Variants in MRPS25 observed in about 807,000 individuals in gnomAD.
MRPS25 encodes the protein small ribosomal subunit protein mS25.
In MRPS25, 15 loss-of-function variants were observed where a neutral mutation model predicts 17.3. That is an observed-to-expected ratio of 0.87 (90% confidence interval 0.58 to 1.34). MRPS25 has a LOEUF of 1.34. Among genes scored for constraint, MRPS25 ranks in the 40% most tolerant of loss-of-function variants. MRPS25 has a pLI of 0.00. For synonymous variants in MRPS25, 94 were observed against 83.3 expected (o/e 1.13, Z -0.70); for missense variants, 225 against 218.6 (o/e 1.03, Z -0.19).
In MRPS25 at chr3:15,057,624, T is replaced by C. The variant is rs148183721; in HGVS notation, c.241+1745A>G. 4.4e-3 allele frequency among the ~76,000 whole-genome samples: 673 copies of C among 152,288 alleles called. 1 individual carries two copies. The highest frequency in any genetic ancestry group is 0.015 in the African/African-American group (643 of 41,544). Reference sequence around the variant, plus strand: ...CGGGTTGCCTCTGGTGGAAGGGAAATTAACCAGAAAGTGGCACTAAGGAAC... The same window carrying C: ...CGGGTTGCCTCTGGTGGAAGGGAAACTAACCAGAAAGTGGCACTAAGGAAC... On this transcript the variant is annotated intron_variant, in intron 2 of 3. Transcript: ENST00000253686.
rs1449118106 is a variant in MRPS25, at chr3:15,049,114, G to A, written c.*3327C>T. The A allele has an allele frequency of 1.3e-5, 2 of 152,598 alleles. No homozygotes were observed. Among genetic ancestry groups the A allele is most frequent in the African/African-American group, 2.4e-5 (1 of 41,442 alleles). The allele number at this position is 152,598 out of a possible 1,614,324, so 9.5% of individuals were successfully genotyped here. ...ATATCTAATCAATGTCTTCAGTCTT[G>A]AAGAAGAATTTGCATTGTTGTGTTT... On this transcript the variant is annotated 3_prime_UTR_variant, in exon 4 of 4. Coordinates refer to ENST00000253686, the MANE Select transcript of MRPS25 (RefSeq NM_022497.5).
chr3:15,044,194 A>C (rs1429045638), downstream of MRPS25: 1 of 152,150 alleles, frequency 6.6e-6, no homozygotes, highest in Non-Finnish European at 1.5e-5. Context: ...AGCTGGATGG[A>C]AGGTTTCAGG....
chr3:15,052,847 G>A (rs1262066187), intron 3 of MRPS25, among the ~76,000 whole-genome samples: 1 of 152,210 alleles, frequency 6.6e-6, no homozygotes, highest in Non-Finnish European at 1.5e-5. Flanking sequence ...TCACACCACA[G>A]CAGCAAGCCT....
Position 15,051,894 on chromosome 3 carries a change from A to C in MRPS25, c.*547T>G, listed in dbSNP as rs1440348940. The stretch of plus-strand genomic sequence containing the variant: ...CCCATGGCTAGGCCCCCCAGCAGGC[A>C]AGGGTAATCAACTGTACTTAAAAAA... On this transcript the variant is annotated 3_prime_UTR_variant, in exon 4 of 4. Coordinates refer to ENST00000253686, the MANE Select transcript of MRPS25 (RefSeq NM_022497.5). The C allele has an allele frequency of 1.0e-6, 1 of 985,466 alleles. No individual in the cohort carries two copies. The highest frequency in any genetic ancestry group is 1.2e-6 in the Non-Finnish European group (1 of 830,034). The allele number at this position is 985,466 out of a possible 1,614,324, so 61.0% of individuals were successfully genotyped here.
chr3:15,058,538 A>G lies in MRPS25; in HGVS notation c.241+831T>C, dbSNP rs539366838. On this transcript the variant is annotated intron_variant, in intron 2 of 3. Coordinates refer to ENST00000253686, the MANE Select transcript of MRPS25 (RefSeq NM_022497.5). ...TTCATTCTGTCTCCCTCTGCTGGAT[A>G]TAATCTCCACGAGGGCAGCAGAAAT... is the stretch of plus-strand genomic sequence containing the variant. Among the ~76,000 whole-genome samples, 55 of 152,290 alleles carry G rather than the reference A, an allele frequency of 3.6e-4. 1 individual carries two copies. The South Asian group carries it at 0.011, about 31-fold the overall frequency.
chr3:15,052,201 G>A lies in MRPS25; in HGVS notation c.*240C>T, dbSNP rs777619513. The A allele has an allele frequency of 7.9e-5, 98 of 1,242,932 alleles. No individual in the cohort carries two copies. The highest frequency in any genetic ancestry group is 3.1e-4 in the Middle Eastern group (1 of 3,180). 77.0% of individuals were successfully genotyped at this position (1,242,932 alleles called of 1,614,324 possible). A position where few individuals can be genotyped will look rare whatever the true frequency, so the allele number is the denominator to read the frequency against. On this transcript the variant is annotated 3_prime_UTR_variant, in exon 4 of 4. Coordinates refer to ENST00000253686, the MANE Select transcript of MRPS25 (RefSeq NM_022497.5). ...TCCTCTTCACTAGGACCAGATACACGCCAAGCTGCTATTAGGAAGCGTTTT... is the reference window on the plus strand; with the variant it reads ...TCCTCTTCACTAGGACCAGATACACACCAAGCTGCTATTAGGAAGCGTTTT...
chr3:15,053,703 T>C (rs1213899746), intron 2 of MRPS25: 2 of 541,108 alleles, frequency 3.7e-6, no homozygotes, highest in African/African-American at 3.8e-5. Context: ...AGACATTCCA[T>C]GTTCATGGAT....
rs1424635156 is a variant in MRPS25 at position 15,065,085 on chromosome 3, T to A, written c.110A>T (p.His37Leu). The A allele has an allele frequency of 1.4e-5, 22 of 1,603,932 alleles. No individual in the cohort carries two copies. The highest frequency in any genetic ancestry group is 1.9e-5 in the Non-Finnish European group (22 of 1,176,028). ...VKVMTVNYNT[H>L]GELGEGARKF... Reference sequence around the variant, plus strand: ...CCTGGCGCCCTCGCCCAGCTCCCCATGCGTGTTGTAATTCACTGTCATGAC... The same window carrying A: ...CCTGGCGCCCTCGCCCAGCTCCCCAAGCGTGTTGTAATTCACTGTCATGAC... Residue 37 changes from histidine (H) to leucine (L), a missense_variant, in exon 1 of 4, where the codon CAT (histidine) becomes CTT (leucine). His to Leu is a moderately conservative substitution (Grantham distance 99). Coordinates refer to ENST00000253686, the MANE Select transcript of MRPS25 (RefSeq NM_022497.5).
chr3:15,046,925 G>GTCTT (rs2042474124), downstream of MRPS25: 1 of 152,614 alleles, frequency 6.6e-6, no homozygotes, highest in South Asian at 2.1e-4. Context: ...GTTGGTTTGG[G>GTCTT]TCTTTTGTAC....
Position 15,050,455 on chromosome 3 carries a change from AGGC to A in MRPS25, c.*1983_*1985del. 2.0e-6 allele frequency: 2 copies of A among 983,536 alleles called. No individual in the cohort carries two copies. Among genetic ancestry groups the A allele is most frequent in the Non-Finnish European group, 2.4e-6 (2 of 829,768 alleles). The allele number at this position is 983,536 out of a possible 1,614,324, so 60.9% of individuals were successfully genotyped here. ...CCTAGAGGGAAGGAATACTCTCATAAGGCTTTGTGTGTCACTAGCTATGGAGAC... is the reference window on the plus strand; with the variant it reads ...CCTAGAGGGAAGGAATACTCTCATAATTTGTGTGTCACTAGCTATGGAGAC... On this transcript the variant is annotated 3_prime_UTR_variant, in exon 4 of 4. Coordinates refer to ENST00000253686, the MANE Select transcript of MRPS25 (RefSeq NM_022497.5).
chr3:15,051,370 GAC>G lies in MRPS25; in HGVS notation c.*1069_*1070del, dbSNP rs1241721093. 6.9e-6 allele frequency: 4 copies of G among 577,294 alleles called. No individual in the cohort carries two copies. The highest frequency in any genetic ancestry group is 8.7e-6 in the Non-Finnish European group (4 of 457,342). The allele number at this position is 577,294 out of a possible 1,614,324, so 35.8% of individuals were successfully genotyped here. A position where few individuals can be genotyped will look rare whatever the true frequency, so the allele number is the denominator to read the frequency against. On this transcript the variant is annotated 3_prime_UTR_variant, in exon 4 of 4. Transcript: ENST00000253686. Reference sequence around the variant, plus strand: ...ATCTAATTTTTGTACTTTTTGTAGAGACAAGGTCTTGCCATGTTGCCCAGGCT... The same window carrying G: ...ATCTAATTTTTGTACTTTTTGTAGAGAAGGTCTTGCCATGTTGCCCAGGCT...
intron 3 of MRPS25, 31 bp from the exon 4 acceptor site, chr3:15,052,664 T>G: frequency 6.2e-7 from 1 of 1,603,898 alleles, no homozygotes; most frequent in Non-Finnish European, 8.5e-7. Context: ...CAACCAAGCA[T>G]TGGCAACTTT....
Position 15,052,612 on chromosome 3 carries a change from C to T in MRPS25, c.351G>A (p.Glu117=), listed in dbSNP as rs1384369905. 2 of 1,613,976 alleles carry T rather than the reference C, an allele frequency of 1.2e-6. No individual in the cohort carries two copies. The highest frequency in any genetic ancestry group is 2.7e-5 in the African/African-American group (2 of 74,934). ...GGTGAGAAAGCTGCTTTTTCTCCTCCTCCTCTTCCCTGAGGGTTTCCCTGC... is the reference window on the plus strand; with the variant it reads ...GGTGAGAAAGCTGCTTTTTCTCCTCTTCCTCTTCCCTGAGGGTTTCCCTGC... ...GKNEETLREE[E]EEKKQLSHPA... is the part of the protein sequence containing the mutation. The change falls in exon 4 of 4, where the codon GAG becomes GAA. Residue 117 remains glutamate (E), a synonymous_variant. Transcript: ENST00000253686.
chr3:15,050,284 C>T lies in MRPS25; in HGVS notation c.*2157G>A, dbSNP rs1326633777. 2 of 1,102,070 alleles carry T rather than the reference C, an allele frequency of 1.8e-6. No individual in the cohort carries two copies. The highest frequency in any genetic ancestry group is 2.2e-6 in the Non-Finnish European group (2 of 904,404). 68.3% of individuals were successfully genotyped at this position (1,102,070 alleles called of 1,614,324 possible). A position where few individuals can be genotyped will look rare whatever the true frequency, so the allele number is the denominator to read the frequency against. ...GTCCTTTCAGGGTCTGGGCTGTCCA[C>T]CTCACTGCCCATTGCTCCTGTGTCA... On this transcript the variant is annotated 3_prime_UTR_variant, in exon 4 of 4. Coordinates refer to ENST00000253686, the MANE Select transcript of MRPS25 (RefSeq NM_022497.5).
chr3:15,056,918 C>T (rs1292300226), intron 2 of MRPS25, among the ~76,000 whole-genome samples: 1 of 152,208 alleles, frequency 6.6e-6, no homozygotes, highest in African/African-American at 2.4e-5. Context: ...AAAGGCGGTG[C>T]CTGAGAACCT....
At chr3:15,063,038 T>A (rs1474354714) in intron 1 of MRPS25, among the ~76,000 whole-genome samples, 2 of 143,606 alleles carry the variant, frequency 1.4e-5, no homozygotes, top group African/African-American at 5.3e-5. Context: ...CACCCAAGAA[T>A]GATCAATTGA....
At chr3:15,042,775 T>G, downstream of MRPS25, 1 of 1,534,030 alleles carries the variant, frequency 6.5e-7, no homozygotes, top group South Asian at 1.2e-5. Flanking sequence ...GAGCCTTTGC[T>G]GAGCTGTGGT....
intron 3 of MRPS25, 92 bp downstream of exon 3, chr3:15,053,288 T>TAC (rs2042629177): frequency 6.3e-7 from 1 of 1,580,324 alleles, no homozygotes. Context: ...CAGAGAATCT[T>TAC]ACCTCTCAAC....
rs1285865912 is a variant in MRPS25, at chr3:15,059,453, G to A, written c.157C>T (p.Pro53Ser). Residue 53 changes from proline (P) to serine (S), a missense_variant, in exon 2 of 4, where the codon CCT (proline) becomes TCT (serine). By Grantham distance (74) the Pro-to-Ser change is moderately conservative. Transcript: ENST00000253686. ...CAAGGGTTTTTGTATTGAATCTGAGGTATGTTGAAAAACACAAACTTCCTG... is the reference window on the plus strand; with the variant it reads ...CAAGGGTTTTTGTATTGAATCTGAGATATGTTGAAAAACACAAACTTCCTG... ...GARKFVFFNI[P>S]QIQYKNPWVQ... 7 of 1,613,034 alleles carry A rather than the reference G, an allele frequency of 4.3e-6. No individual in the cohort carries two copies. The highest frequency in any genetic ancestry group is 1.3e-5 in the African/African-American group (1 of 75,012).
Sources: allele counts gnomAD v4.1 joint callset (sites outside exome capture counted in the v4.1 genomes callset), GRCh38; gene constraint gnomAD v4.1.1; transcripts MANE v1.5; gene names NCBI Gene and HGNC (gene_info 2026-07-23, HGNC 2026-07-21).